The following COL9A3 variants were observed in gnomAD, a reference collection of about 807,000 sequenced individuals.
The protein encoded by COL9A3 is collagen type IX alpha 3 chain.
In COL9A3, 82 loss-of-function variants were observed where a neutral mutation model predicts 110.2. The ratio of observed to expected loss-of-function variants is 0.74; its 90% CI spans 0.62 to 0.89. The LOEUF is 0.89. COL9A3 is among the 40% of genes least tolerant of loss of function. The pLI is 0.00. For missense variants in COL9A3, 1,066 were observed against 981.3 expected (o/e 1.09, Z -1.15); for synonymous variants, 494 against 403.8 (o/e 1.22, Z -2.68).
intron 30 of COL9A3, 56 bp downstream of exon 30, chr20:62,837,321 C>T (rs1390130349): frequency 1.3e-6 from 2 of 1,564,600 alleles, no homozygotes; most frequent in Non-Finnish European, 1.7e-6. Flanking sequence ...CTGAGACTGA[C>T]TTGTTAGTAG....
At chr20:62,831,204 T>G (rs1360438812) in intron 24 of COL9A3, 3 of 152,272 alleles carry the variant, frequency 2.0e-5, no homozygotes, top group Non-Finnish European at 2.9e-5. Context: ...CGTCAAGACT[T>G]TTTCCTGCTG....
chr20:62,835,124 G>T (rs183593708), intron 26 of COL9A3, among the ~76,000 whole-genome samples: 1 of 152,248 alleles, frequency 6.6e-6, no homozygotes, highest in African/African-American at 2.4e-5. Flanking sequence ...CCTGGCCTCC[G>T]CGGAGCATGC....
upstream of COL9A3, among the ~76,000 whole-genome samples, chr20:62,816,811 C>G (rs1434482490): frequency 6.6e-6 from 1 of 152,162 alleles, no homozygotes; most frequent in Non-Finnish European, 1.5e-5. Context: ...GTGTGCAACG[C>G]GCCAGTCCCA....
At position 62,840,558 on chromosome 20, in the gene COL9A3, C is replaced by G. The variant is rs372602506; in HGVS notation, c.1881C>G (p.Pro627=). ...TGTCCCAAGGACCCCAAGGCGTGCC[C>G]GGCACCAGCAAGGACGGCCAGGACG... The part of the protein sequence containing the change: ...DQGPQGPQGV[P]GTSKDGQDGA... Residue 627 remains proline, a synonymous_variant, in exon 32 of 32, where the codon CCC becomes CCG. Coordinates refer to ENST00000649368, the MANE Select transcript of COL9A3 (RefSeq NM_001853.4). The G allele has an allele frequency of 6.2e-7, 1 of 1,612,106 alleles. No individual in the cohort carries two copies. Among genetic ancestry groups the G allele is most frequent in the African/African-American group, 1.3e-5 (1 of 74,990 alleles).
chr20:62,839,925 C>T (rs1303794731), intron 31 of COL9A3, among the ~76,000 whole-genome samples: 3 of 152,196 alleles, frequency 2.0e-5, no homozygotes, highest in Admixed American at 2.0e-4. Flanking sequence ...GCTGACCTAG[C>T]TCTGCCTCTA....
intron 25 of COL9A3, 73 bp from the exon 26 acceptor site, chr20:62,832,947 C>T (rs187618422): frequency 5.8e-5 from 78 of 1,345,624 alleles, no homozygotes; most frequent in Admixed American, 4.9e-4. Flanking sequence ...GGCTTGAGAG[C>T]AGGGACTTTA....
chr20:62,816,406 C>CTGGGAGTCTGGGT (rs1990908586), upstream of COL9A3: 2 of 152,332 alleles, frequency 1.3e-5, no homozygotes, highest in Non-Finnish European at 2.9e-5. Flanking sequence ...GCGATCTCTC[C>CTGGGAGTCTGGGT]TGGGAGTCTG....
chr20:62,830,644 A>C, intron 24 of COL9A3, 56 bp downstream of exon 24: 1 of 854,608 alleles, frequency 1.2e-6, no homozygotes, highest in Non-Finnish European at 1.7e-6. Flanking sequence ...CATGTACCAC[A>C]GTCCCCCACC....
intron 5 of COL9A3, 99 bp from the exon 6 acceptor site, chr20:62,821,082 T>A (rs2063508706): frequency 8.0e-7 from 1 of 1,255,846 alleles, no homozygotes; most frequent in African/African-American, 1.5e-5. Context: ...GACCCTGTTG[T>A]CCTGGGAGTT....
chr20:62,820,818 G>A (rs1015250965), intron 5 of COL9A3, among the ~76,000 whole-genome samples: 1 of 152,224 alleles, frequency 6.6e-6, no homozygotes, highest in Non-Finnish European at 1.5e-5. Context: ...GCTGCCCAAG[G>A]CTCTGGGGCT....
At chr20:62,826,062 T>C (rs1452206018) in intron 13 of COL9A3, 142 bp from the exon 14 acceptor site, 9 of 1,092,732 alleles carry the variant, frequency 8.2e-6, no homozygotes, top group Non-Finnish European at 1.2e-5. Context: ...TGGTGCCCCC[T>C]CCCTCTGGGG....
chr20:62,828,801 G>A lies in COL9A3; in HGVS notation c.938G>A (p.Gly313Glu), dbSNP rs956953655. 5.6e-6 allele frequency: 9 copies of A among 1,612,810 alleles called. No homozygotes were observed. In the African/African-American group the frequency reaches 1.1e-4, roughly 19 times the overall value. Residue 313 changes from glycine to glutamate, a missense_variant, in exon 18 of 32, where the codon GGA becomes GAA. By Grantham distance (98) the Gly-to-Glu change is moderately conservative. Coordinates refer to ENST00000649368, the MANE Select transcript of COL9A3 (RefSeq NM_001853.4). ...AAGGACGGCCAGAATGGCGTGCCAG[G>A]ACTCGATGGCCAGAAGGTTGGCATG... ...PGKDGQNGVP[G>E]LDGQKGEAGR...
chr20:62,825,859 G>A lies in COL9A3; in HGVS notation c.673G>A (p.Val225Met), dbSNP rs201165556. 5.4e-5 allele frequency: 84 copies of A among 1,559,564 alleles called. No homozygotes were observed. The highest frequency in any genetic ancestry group is 6.3e-5 in the Non-Finnish European group (72 of 1,151,552). Residue 225 changes from valine to methionine, a missense_variant, in exon 13 of 32, where the codon GTG becomes ATG. Physicochemically the swap from Val to Met is conservative, Grantham distance 21. Coordinates refer to ENST00000649368, the MANE Select transcript of COL9A3 (RefSeq NM_001853.4). ...TGGGCCCGCCGGCCTCCCGGGCAGC[G>A]TGGGGCTGCAGGTGAGGCTAGGAAG... ...PPGPAGLPGSVGLQGPRGLRG... is the reference protein window; with the variant it reads ...PPGPAGLPGSMGLQGPRGLRG...
chr20:62,829,475 G>T lies in COL9A3; in HGVS notation c.1029G>T (p.Gly343=). Reference sequence around the variant, plus strand: ...GGCAGGGCCTCCCTGGACGAGCGGGGTCCAAAGGCGAGAAGGGAGAACGGG... The same window carrying T: ...GGCAGGGCCTCCCTGGACGAGCGGGTTCCAAAGGCGAGAAGGGAGAACGGG... ...NGLPGLPGRA[G]SKGEKGERGR... The change falls in exon 20 of 32, where the codon GGG becomes GGT. Residue 343 remains glycine, a synonymous_variant. Transcript: ENST00000649368. The T allele has an allele frequency of 6.2e-7, 1 of 1,612,852 alleles. No individual in the cohort carries two copies. The highest frequency in any genetic ancestry group is 8.5e-7 in the Non-Finnish European group (1 of 1,179,922).
chr20:62,829,849 G>A (rs1010393158), intron 22 of COL9A3, 30 bp downstream of exon 22: 27 of 1,545,378 alleles, frequency 1.7e-5, no homozygotes, highest in African/African-American at 5.5e-5. Context: ...CCGGGGTCGG[G>A]GGTTAGCACT....
At position 62,821,808 on chromosome 20, in the gene COL9A3, C is replaced by A. The variant is rs1600791202; in HGVS notation, c.421C>A (p.Pro141Thr). The change falls in exon 8 of 32, where the codon CCG becomes ACG. Residue 141 changes from proline (P) to threonine (T), a missense_variant and splice_region_variant. By Grantham distance (38) the Pro-to-Thr change is conservative. Transcript: ENST00000649368. ...PPGGIGLRGP[P>T]GPSGLPGLPG... ...AGGTGGGATCGGCCTCCGCGGCCCCCCGGTGAGTGGCTGTCCCAGAGCCCC... is the reference window on the plus strand; with the variant it reads ...AGGTGGGATCGGCCTCCGCGGCCCCACGGTGAGTGGCTGTCCCAGAGCCCC... 1.9e-6 allele frequency: 3 copies of A among 1,598,596 alleles called. No individual in the cohort carries two copies. Among genetic ancestry groups the A allele is most frequent in the African/African-American group, 2.7e-5 (2 of 74,820 alleles).
chr20:62,833,918 C>T (rs569098170), intron 26 of COL9A3, among the ~76,000 whole-genome samples: 1 of 151,578 alleles, frequency 6.6e-6, no homozygotes. Context: ...CTCGCTCTTT[C>T]GCCCAGGCTG....
rs571499439 is a variant in COL9A3 at position 62,826,868 on chromosome 20, C to G, written c.792+48C>G. 4.4e-6 allele frequency: 7 copies of G among 1,597,116 alleles called. No individual in the cohort carries two copies. In the African/African-American group the frequency reaches 6.7e-5, roughly 15 times the overall value. On this transcript the variant is annotated intron_variant, in intron 15 of 31. Coordinates refer to ENST00000649368, the MANE Select transcript of COL9A3 (RefSeq NM_001853.4). The stretch of plus-strand genomic sequence containing the variant: ...GGCGCCATGCCTCGTGACCTCTCTC[C>G]CCTTTCCCTCTGCTCCTCTCAGACG...
In COL9A3 at chr20:62,835,786, A is replaced by G. The variant is rs147851582; in HGVS notation, c.1369-135A>G. 2.1e-4 allele frequency: 190 copies of G among 889,480 alleles called. No individual in the cohort carries two copies. In the African/African-American group the frequency reaches 2.7e-3, roughly 13 times the overall value. The allele number at this position is 889,480 out of a possible 1,614,324, so 55.1% of individuals were successfully genotyped here. A position where few individuals can be genotyped will look rare whatever the true frequency, so the allele number is the denominator to read the frequency against. ...TAAAAAATGTATATAGAAGAACGGA[A>G]GGAACCACTGTCAATATTTGGATGT... On this transcript the variant is annotated intron_variant, in intron 26 of 31. Transcript: ENST00000649368.
Sources: allele counts gnomAD v4.1 joint callset (sites outside exome capture counted in the v4.1 genomes callset), GRCh38; gene constraint gnomAD v4.1.1; transcripts MANE v1.5; gene names NCBI Gene and HGNC (gene_info 2026-07-23, HGNC 2026-07-21).